PRKAG2: variants seen among roughly 807,000 people sequenced by gnomAD.
PRKAG2 encodes protein kinase AMP-activated non-catalytic subunit gamma 2.
Under a neutral mutation model 69.6 loss-of-function variants are expected in PRKAG2, and 26 were observed. The observed-to-expected ratio is 0.37, with a 90% CI of 0.27 to 0.52. The LOEUF is 0.52. PRKAG2 is among the 20% of genes least tolerant of loss of function. The pLI is 0.90. For synonymous variants in PRKAG2, 293 were observed against 285.0 expected (o/e 1.03, Z -0.28); for missense variants, 557 against 740.0 (o/e 0.75, Z 2.87).
chr7:151,556,636 A>G lies in PRKAG2; in HGVS notation c.*565T>C, dbSNP rs1803839544. 6.5e-6 allele frequency: 1 copy of G among 152,698 alleles called. No homozygotes were observed. The highest frequency in any genetic ancestry group is 2.4e-5 in the African/African-American group (1 of 41,474). The allele number at this position is 152,698 out of a possible 1,614,324, so 9.5% of individuals were successfully genotyped here. The stretch of plus-strand genomic sequence containing the variant: ...GCTGTTGTAAAGCAGCCTCGTTGAC[A>G]CGGTAGCCCAGAACAAAACACTTAC... On this transcript the variant is annotated 3_prime_UTR_variant, in exon 16 of 16. Coordinates refer to ENST00000287878, the MANE Select transcript of PRKAG2 (RefSeq NM_016203.4).
chr7:151,773,184 A>C (rs2151785727), intron 3 of PRKAG2, among the ~76,000 whole-genome samples: 1 of 149,610 alleles, frequency 6.7e-6, no homozygotes, highest in Non-Finnish European at 1.5e-5. Context: ...GAAGGAAGGA[A>C]GGAAAGAAAG....
intron 1 of PRKAG2, among the ~76,000 whole-genome samples, chr7:151,824,514 C>T (rs143462035): frequency 1.3e-5 from 2 of 152,202 alleles, no homozygotes; most frequent in African/African-American, 2.4e-5. Flanking sequence ...GTGTGGAGCC[C>T]CTCCCTCTAG....
intron 9 of PRKAG2, among the ~76,000 whole-genome samples, chr7:151,571,287 G>A (rs1807508775): frequency 6.6e-6 from 1 of 151,992 alleles, no homozygotes; most frequent in Non-Finnish European, 1.5e-5. Flanking sequence ...TGGCTAGGCT[G>A]GTCTCGAACT....
chr7:151,714,964 T>C (rs1417112480), intron 3 of PRKAG2, among the ~76,000 whole-genome samples: 3 of 149,186 alleles, frequency 2.0e-5, no homozygotes, highest in African/African-American at 7.4e-5. Context: ...AAATAATAAA[T>C]AAGAAAAAAT....
chr7:151,870,631 C>T (rs1216063927), intron 1 of PRKAG2, among the ~76,000 whole-genome samples: 1 of 152,282 alleles, frequency 6.6e-6, no homozygotes, highest in East Asian at 1.9e-4. Flanking sequence ...TCCTCCAGCC[C>T]CGGGGCAGGA....
chr7:151,786,075 G>T (rs2076990948), intron 2 of PRKAG2, among the ~76,000 whole-genome samples: 1 of 152,114 alleles, frequency 6.6e-6, no homozygotes, highest in Admixed American at 6.5e-5. Context: ...GGCGCTGGTG[G>T]GCAGCAGGGC....
At chr7:151,770,732 A>C (rs1193021148) in intron 3 of PRKAG2, among the ~76,000 whole-genome samples, 2 of 152,184 alleles carry the variant, frequency 1.3e-5, no homozygotes, top group Admixed American at 1.3e-4. Flanking sequence ...CATGTATTGA[A>C]AACACATCAA....
intron 1 of PRKAG2, among the ~76,000 whole-genome samples, chr7:151,825,029 T>C (rs1586673477): frequency 6.8e-6 from 1 of 147,324 alleles, no homozygotes; most frequent in East Asian, 2.1e-4. Flanking sequence ...CTGGCCAACA[T>C]GGTGAAACCC....
At chr7:151,737,467 G>A (rs1430302414) in intron 3 of PRKAG2, among the ~76,000 whole-genome samples, 51 of 152,146 alleles carry the variant, frequency 3.4e-4, no homozygotes, top group Non-Finnish European at 5.9e-5. Flanking sequence ...AATAACCCCC[G>A]AGCTAAAGAT....
rs869298573 is a variant in PRKAG2 at position 151,782,297 on chromosome 7, A to AAAGGAAGGAAGGAAGG, written c.187-882_187-867dup. On this transcript the variant is annotated intron_variant, in intron 2 of 15. Coordinates refer to ENST00000287878, the MANE Select transcript of PRKAG2 (RefSeq NM_016203.4). ...GACTCCATTTCAAGAGAAAGGAAAG[A>AAAGGAAGGAAGGAAGG]AAGGAAGGAAGGAAGGAAGGAAGGA... Among the ~76,000 whole-genome samples, 46 of 39,782 alleles carry AAAGGAAGGAAGGAAGG rather than the reference A, an allele frequency of 1.2e-3. 3 individuals are homozygous for AAAGGAAGGAAGGAAGG. The highest frequency in any genetic ancestry group is 3.1e-3 in the African/African-American group (33 of 10,636). The allele number at this position is 39,782 out of a possible 152,430, so 26.1% of individuals were successfully genotyped here. A position where few individuals can be genotyped will look rare whatever the true frequency, so the allele number is the denominator to read the frequency against.
At chr7:151,680,748 C>T (rs549487858) in intron 3 of PRKAG2, among the ~76,000 whole-genome samples, 88 of 152,324 alleles carry the variant, frequency 5.8e-4, no homozygotes, top group Non-Finnish European at 1.1e-3. Flanking sequence ...GCCCTGCCTG[C>T]CCCGACGCGC....
At chr7:151,626,482 CGAG>C (rs1822933567) in intron 5 of PRKAG2, among the ~76,000 whole-genome samples, 1 of 152,166 alleles carries the variant, frequency 6.6e-6, no homozygotes. Context: ...CTCTTATCTA[CGAG>C]GAGTGTGTGA....
chr7:151,789,168 C>T (rs1346082416), intron 1 of PRKAG2, among the ~76,000 whole-genome samples: 1 of 151,936 alleles, frequency 6.6e-6, no homozygotes, highest in Non-Finnish European at 1.5e-5. Context: ...TTAGGATAGA[C>T]TAATTGTTCT....
intron 6 of PRKAG2, among the ~76,000 whole-genome samples, chr7:151,581,882 C>T (rs568418514): frequency 1.3e-5 from 2 of 152,318 alleles, no homozygotes; most frequent in South Asian, 2.1e-4. Flanking sequence ...AGCGTTCAGC[C>T]CCCAAAATGC....
At chr7:151,773,041 G>T (rs1174140018) in intron 3 of PRKAG2, among the ~76,000 whole-genome samples, 1 of 43,474 alleles carries the variant, frequency 2.3e-5, no homozygotes, top group Non-Finnish European at 4.2e-5. Flanking sequence ...GAGAGAGAGA[G>T]AGAGAGAGAG....
At chr7:151,729,790 C>T (rs1018812500) in intron 3 of PRKAG2, among the ~76,000 whole-genome samples, 4 of 152,138 alleles carry the variant, frequency 2.6e-5, no homozygotes, top group African/African-American at 4.8e-5. Flanking sequence ...CTCCAGCTCT[C>T]GGAAGGGTCT....
At chr7:151,735,182 C>T (rs925288773) in intron 3 of PRKAG2, among the ~76,000 whole-genome samples, 5 of 151,992 alleles carry the variant, frequency 3.3e-5, no homozygotes, top group Admixed American at 3.3e-4. Context: ...TGAAATCTGA[C>T]ATCTAATTTT....
chr7:151,853,564 T>C (rs991435250), intron 1 of PRKAG2, among the ~76,000 whole-genome samples: 1 of 152,028 alleles, frequency 6.6e-6, no homozygotes, highest in Admixed American at 6.6e-5. Context: ...TGAGACCATC[T>C]TGGCTAACAC....
intron 8 of PRKAG2, among the ~76,000 whole-genome samples, chr7:151,574,467 T>A (rs778443520): frequency 6.6e-6 from 1 of 152,200 alleles, no homozygotes; most frequent in Non-Finnish European, 1.5e-5. Context: ...TAATGACTCA[T>A]TTTTTTCTGC....
Sources: gnomAD v4.1 joint callset for allele counts (sites outside exome capture counted in the v4.1 genomes callset) on GRCh38, gnomAD v4.1.1 for gene constraint, MANE v1.5 for transcripts, NCBI Gene and HGNC (gene_info 2026-07-23, HGNC 2026-07-21) for gene names.